Variants in ZBTB7C observed in about 807,000 individuals in gnomAD.
The protein encoded by ZBTB7C is zinc finger and BTB domain containing 7C.
ZBTB7C carries 8 observed loss-of-function variants against 25.7 expected under a neutral mutation model. The ratio of observed to expected loss-of-function variants is 0.31; its 90% CI spans 0.18 to 0.56. The LOEUF is 0.56. Among genes scored for constraint, ZBTB7C ranks in the 20% least tolerant of loss-of-function variants. ZBTB7C has a pLI of 0.91. For missense variants in ZBTB7C, 824 were observed against 855.2 expected, an observed-to-expected ratio of 0.96 and a Z score of 0.46; for synonymous variants, 394 against 369.0, an observed-to-expected ratio of 1.07 and a Z score of -0.78.
chr18:48,139,483 G>A (rs866885295), intron 3 of ZBTB7C, among the ~76,000 whole-genome samples: 2 of 152,228 alleles, frequency 1.3e-5, no homozygotes, highest in Middle Eastern at 3.4e-3. Context: ...TCCAGTCCCC[G>A]GACTGGAAGG....
chr18:48,104,567 A>ATATG (rs1375617139), intron 3 of ZBTB7C, among the ~76,000 whole-genome samples: 1 of 149,138 alleles, frequency 6.7e-6, no homozygotes. Flanking sequence ...ATGTATGTAC[A>ATATG]TATGTATGTA....
At chr18:48,284,491 T>G (rs931931810) in intron 2 of ZBTB7C, among the ~76,000 whole-genome samples, 4 of 151,540 alleles carry the variant, frequency 2.6e-5, no homozygotes, top group Admixed American at 2.6e-4. Context: ...TGTACTCAAG[T>G]TCTGTTAAGA....
At chr18:48,180,954 C>G (rs1737842665) in intron 3 of ZBTB7C, among the ~76,000 whole-genome samples, 1 of 152,220 alleles carries the variant, frequency 6.6e-6, no homozygotes, top group South Asian at 2.1e-4. Context: ...CCAATTCTAG[C>G]ACTTACTGGC....
At chr18:48,314,183 C>G (rs1029813818) in intron 2 of ZBTB7C, among the ~76,000 whole-genome samples, 1 of 152,216 alleles carries the variant, frequency 6.6e-6, no homozygotes, top group Non-Finnish European at 1.5e-5. Flanking sequence ...AACAAAAGTA[C>G]AGGATGCTCA....
chr18:48,155,819 T>C (rs2040825794), intron 3 of ZBTB7C, among the ~76,000 whole-genome samples: 1 of 152,128 alleles, frequency 6.6e-6, no homozygotes, highest in Non-Finnish European at 1.5e-5. Context: ...CAAACCAATC[T>C]AGGGTTAGAC....
At chr18:48,364,781 T>C (rs536772212) in intron 1 of ZBTB7C, among the ~76,000 whole-genome samples, 3 of 152,358 alleles carry the variant, frequency 2.0e-5, no homozygotes, top group African/African-American at 7.2e-5. Context: ...GAAGTATGTA[T>C]ACACCTTTTA....
rs76351493 is a variant in ZBTB7C, at chr18:48,063,628, A to G, written c.-16-22505T>C. Among the ~76,000 whole-genome samples, 575 of 152,378 alleles carry G rather than the reference A, an allele frequency of 3.8e-3. 10 individuals carry two copies. Among genetic ancestry groups the G allele is most frequent in the East Asian group, 0.019 (101 of 5,184 alleles). On this transcript the variant is annotated intron_variant, in intron 3 of 4. Coordinates refer to ENST00000590800, the MANE Select transcript of ZBTB7C (RefSeq NM_001318841.2). Reference sequence around the variant, plus strand: ...AGAGGTGACAGTATGTGTTATAGAAATAAAAGAATGGCCAATTGCCATGGC... The same window carrying G: ...AGAGGTGACAGTATGTGTTATAGAAGTAAAAGAATGGCCAATTGCCATGGC...
chr18:48,074,281 T>C (rs1020608585), intron 3 of ZBTB7C, among the ~76,000 whole-genome samples: 1 of 152,206 alleles, frequency 6.6e-6, no homozygotes, highest in Non-Finnish European at 1.5e-5. Context: ...CCCAAAGTGC[T>C]GGGATTACAG....
intron 3 of ZBTB7C, among the ~76,000 whole-genome samples, chr18:48,071,882 C>T (rs1217567401): frequency 1.3e-5 from 2 of 152,154 alleles, no homozygotes; most frequent in African/African-American, 2.4e-5. Context: ...CGAAATATGC[C>T]AGACATAAAA....
chr18:48,282,227 C>T (rs1156568851), intron 2 of ZBTB7C, among the ~76,000 whole-genome samples: 222 of 145,172 alleles, frequency 1.5e-3, no homozygotes, highest in African/African-American at 5.3e-3. Context: ...AACCAAACAC[C>T]GCATATTCTC....
intron 2 of ZBTB7C, chr18:48,252,168 C>T (rs1010187549): frequency 1.3e-5 from 2 of 152,120 alleles, no homozygotes; most frequent in African/African-American, 4.8e-5. Context: ...TACTATTAGC[C>T]AGAAGAACTG....
intron 2 of ZBTB7C, among the ~76,000 whole-genome samples, chr18:48,258,804 G>A (rs1042383763): frequency 2.7e-4 from 37 of 134,962 alleles, no homozygotes; most frequent in Admixed American, 4.9e-4. Context: ...GATTACAGGC[G>A]CACACCACCA....
chr18:48,235,723 T>C (rs2043362020), intron 2 of ZBTB7C, among the ~76,000 whole-genome samples: 1 of 152,210 alleles, frequency 6.6e-6, no homozygotes, highest in Admixed American at 6.5e-5. Context: ...AAATCCTCAT[T>C]TGATACATTA....
chr18:48,255,723 T>C (rs2044002670), intron 2 of ZBTB7C, among the ~76,000 whole-genome samples: 1 of 152,206 alleles, frequency 6.6e-6, no homozygotes, highest in African/African-American at 2.4e-5. Flanking sequence ...CTCAGCTCAT[T>C]AGAACACTCA....
At chr18:48,222,866 G>C (rs2042996337) in intron 2 of ZBTB7C, among the ~76,000 whole-genome samples, 1 of 152,174 alleles carries the variant, frequency 6.6e-6, no homozygotes, top group Non-Finnish European at 1.5e-5. Context: ...TGTACCCAAT[G>C]AAGTCCAAGG....
At chr18:48,172,411 C>T (rs758675897) in intron 3 of ZBTB7C, among the ~76,000 whole-genome samples, 8 of 152,196 alleles carry the variant, frequency 5.3e-5, no homozygotes, top group East Asian at 1.9e-4. Context: ...GTTTCTCAGC[C>T]GGAGCTGCAG....
At chr18:48,108,920 T>C (rs1276071840) in intron 3 of ZBTB7C, among the ~76,000 whole-genome samples, 2 of 152,054 alleles carry the variant, frequency 1.3e-5, no homozygotes, top group African/African-American at 4.8e-5. Context: ...TTGTTAAATG[T>C]CCTTGAAACT....
intron 1 of ZBTB7C, among the ~76,000 whole-genome samples, chr18:48,398,411 T>C (rs1473117061): frequency 6.6e-6 from 1 of 152,110 alleles, no homozygotes; most frequent in Non-Finnish European, 1.5e-5. Flanking sequence ...GCAGTGACCT[T>C]GAGGTAGCCA....
intron 2 of ZBTB7C, among the ~76,000 whole-genome samples, chr18:48,317,359 G>T (rs1411923985): frequency 2.0e-5 from 3 of 151,232 alleles, no homozygotes; most frequent in African/African-American, 7.3e-5. Context: ...CAAAGCTAAA[G>T]CCTTTAGTGG....
Sources: gnomAD v4.1 joint callset for allele counts (sites outside exome capture counted in the v4.1 genomes callset) on GRCh38, gnomAD v4.1.1 for gene constraint, MANE v1.5 for transcripts, NCBI Gene and HGNC (gene_info 2026-07-23, HGNC 2026-07-21) for gene names.